The following DISC1 variants were observed in gnomAD, a reference collection of about 807,000 sequenced individuals.
DISC1 encodes the protein disrupted in schizophrenia 1 protein.
DISC1 carries 57 observed loss-of-function variants against 84.5 expected under a neutral mutation model. The ratio of observed to expected loss-of-function variants is 0.67; its 90% CI spans 0.55 to 0.84. The LOEUF (loss-of-function observed/expected upper bound fraction) is 0.84. DISC1 is among the 40% of genes least tolerant of loss of function. DISC1 has a pLI of 0.00. For missense variants in DISC1, 1,000 were observed against 1,057.8 expected (o/e 0.95, Z 0.76); for synonymous variants, 411 against 415.2 (o/e 0.99, Z 0.12).
chr1:231,826,358 CAT>C lies in DISC1; in HGVS notation c.1981+7843_1981+7844del, dbSNP rs199876056. 7.6e-3 allele frequency among the ~76,000 whole-genome samples: 1,150 copies of C among 152,302 alleles called. 13 individuals are homozygous for C. The highest frequency in any genetic ancestry group is 0.026 in the African/African-American group (1,083 of 41,558). ...CATCACCCTACCTAAATACCACACT[CAT>C]AGATTCATAATTACAAAACAAAAGT... On this transcript the variant is annotated intron_variant, in intron 9 of 12. Coordinates refer to ENST00000439617, the MANE Select transcript of DISC1 (RefSeq NM_018662.3). The surrounding 1 kb of genome is among the most constrained non-coding windows in gnomAD (Gnocchi z 4.2).
At chr1:231,971,846 A>T (rs563161544) in intron 10 of DISC1, among the ~76,000 whole-genome samples, 1 of 152,338 alleles carries the variant, frequency 6.6e-6, no homozygotes, top group South Asian at 2.1e-4. Context: ...AAAAGCAGGG[A>T]CTTTCAGTTG....
At position 232,026,472 on chromosome 1, in the gene DISC1, G is replaced by C; in HGVS notation, c.2345G>C (p.Cys782Ser). 6.2e-7 allele frequency: 1 copy of C among 1,608,144 alleles called. No individual in the cohort carries two copies. The highest frequency in any genetic ancestry group is 8.5e-7 in the Non-Finnish European group (1 of 1,177,142). Residue 782 changes from cysteine (C) to serine (S), a missense_variant, in exon 12 of 13, where the codon TGT becomes TCT. Physicochemically the swap from Cys to Ser is moderately radical, Grantham distance 112 (BLOSUM62 -1). Around this residue, in one of 3 missense-constraint regions of DISC1, gnomAD observed 397 missense variants for 377.5 expected, o/e 1.05. Transcript: ENST00000439617. ...YILSAELGEK[C>S]EDIGKKLLYL... ...CTTTCTGCAGAACTTGGAGAAAAGT[G>C]TGAAGACATAGGCAAGAAGCTATTG...
intron 10 of DISC1, among the ~76,000 whole-genome samples, chr1:231,999,400 C>T (rs2102955396): frequency 6.6e-6 from 1 of 152,280 alleles, no homozygotes; most frequent in South Asian, 2.1e-4. Context: ...TCCAACCAAG[C>T]AACCAAAGGC....
chr1:232,024,073 A>G (rs1168481604), intron 11 of DISC1, among the ~76,000 whole-genome samples: 2 of 151,230 alleles, frequency 1.3e-5, no homozygotes, highest in South Asian at 2.1e-4. Context: ...GTATATATAT[A>G]TATATTTATC....
chr1:231,817,880 T>A (rs1321225706), intron 8 of DISC1, among the ~76,000 whole-genome samples: 1 of 152,248 alleles, frequency 6.6e-6, no homozygotes, highest in Non-Finnish European at 1.5e-5. Context: ...ATTTTCTTGC[T>A]CCAGGTCACA....
intron 10 of DISC1, among the ~76,000 whole-genome samples, chr1:231,992,982 C>G (rs145238800): frequency 6.6e-6 from 1 of 152,198 alleles, no homozygotes; most frequent in East Asian, 1.9e-4. Context: ...GTAGACAAAA[C>G]CCAGAGATCA....
intron 3 of DISC1, among the ~76,000 whole-genome samples, chr1:231,717,738 C>T (rs1393673226): frequency 1.3e-5 from 2 of 152,178 alleles, no homozygotes; most frequent in Non-Finnish European, 2.9e-5. Flanking sequence ...ATGAACGCAT[C>T]AGACAATTCC....
At chr1:231,749,805 A>G (rs1236662407) in intron 3 of DISC1, 121 bp from the exon 4 acceptor site, 10 of 1,336,358 alleles carry the variant, frequency 7.5e-6, no homozygotes, top group Non-Finnish European at 9.6e-6. Flanking sequence ...AGAAACTAGT[A>G]ACCTTGTCAT....
chr1:231,810,690 G>A (rs1010840684), intron 8 of DISC1, among the ~76,000 whole-genome samples: 3 of 152,172 alleles, frequency 2.0e-5, no homozygotes, highest in South Asian at 2.1e-4. Context: ...GAAGCTGGAG[G>A]CGGCTCACTA....
intron 9 of DISC1, among the ~76,000 whole-genome samples, chr1:231,916,051 C>T (rs2089598764): frequency 6.6e-6 from 1 of 152,098 alleles, no homozygotes; most frequent in Non-Finnish European, 1.5e-5. Flanking sequence ...AGCTCTTTTC[C>T]ACGAAACAAT....
At chr1:231,793,356 A>G (rs1442486410) in intron 6 of DISC1, among the ~76,000 whole-genome samples, 3 of 152,192 alleles carry the variant, frequency 2.0e-5, no homozygotes, top group Non-Finnish European at 4.4e-5. Context: ...TTCTAGCAGC[A>G]GTAAGTGGTT....
intron 1 of DISC1, among the ~76,000 whole-genome samples, chr1:231,659,390 G>C (rs1246763268): frequency 6.6e-6 from 1 of 151,928 alleles, no homozygotes; most frequent in Non-Finnish European, 1.5e-5. Flanking sequence ...TGTTAGTCTA[G>C]CAAGTGATCT....
At chr1:231,730,108 T>G (rs1573324848) in intron 3 of DISC1, among the ~76,000 whole-genome samples, 1 of 152,350 alleles carries the variant, frequency 6.6e-6, no homozygotes, top group East Asian at 1.9e-4. Context: ...TAATTTTTTG[T>G]GAAAACACCA....
chr1:231,790,226 C>T (rs1181627578), intron 6 of DISC1, among the ~76,000 whole-genome samples: 1 of 152,150 alleles, frequency 6.6e-6, no homozygotes, highest in African/African-American at 2.4e-5. Flanking sequence ...TCGTGAAGCA[C>T]CAGTGTGCGG....
chr1:231,666,339 G>A (rs915269714), intron 1 of DISC1, among the ~76,000 whole-genome samples: 11 of 143,464 alleles, frequency 7.7e-5, no homozygotes, highest in African/African-American at 1.5e-4. Flanking sequence ...AGCACAGTAC[G>A]AATTAATCTC....
intron 3 of DISC1, among the ~76,000 whole-genome samples, chr1:231,705,542 A>C (rs2066985118): frequency 6.6e-6 from 1 of 151,936 alleles, no homozygotes; most frequent in African/African-American, 2.4e-5. Flanking sequence ...TTAGGCTTGA[A>C]AGGAGACTTG....
In DISC1 at chr1:231,958,864, A is replaced by C; in HGVS notation, c.2018A>C (p.Glu673Ala). 6.2e-7 allele frequency: 1 copy of C among 1,613,838 alleles called. No individual in the cohort carries two copies. The highest frequency in any genetic ancestry group is 8.5e-7 in the Non-Finnish European group (1 of 1,179,842). The change falls in exon 10 of 13, where the codon GAA (glutamate) becomes GCA (alanine). Residue 673 changes from glutamate to alanine, a missense_variant. Around this residue, in one of 3 missense-constraint regions of DISC1, gnomAD observed 397 missense variants for 377.5 expected, o/e 1.05. Coordinates refer to ENST00000439617, the MANE Select transcript of DISC1 (RefSeq NM_018662.3). ...SVKENTMKYM[E>A]TLKNKLCSCK... is the part of the protein sequence containing the mutation. ...AAGGAAAATACTATGAAGTACATGG[A>C]AACACTTAAGAATAAACTGTGCAGG... is the stretch of plus-strand genomic sequence containing the variant.
At chr1:232,020,100 G>A (rs973244572) in intron 11 of DISC1, among the ~76,000 whole-genome samples, 1 of 152,050 alleles carries the variant, frequency 6.6e-6, no homozygotes, top group Non-Finnish European at 1.5e-5. Context: ...CCAGCACTTT[G>A]GGGGGCCAAG....
chr1:231,644,948 C>T (rs1006171021), intron 1 of DISC1, among the ~76,000 whole-genome samples: 2 of 151,956 alleles, frequency 1.3e-5, no homozygotes, highest in African/African-American at 4.8e-5. Flanking sequence ...CTCTTTCCAT[C>T]CTCATCATGC....
Sources: allele counts gnomAD v4.1 joint callset (sites outside exome capture counted in the v4.1 genomes callset), GRCh38; gene constraint gnomAD v4.1.1; regional missense constraint gnomAD v4.1.1; non-coding constraint Gnocchi (gnomAD v3.1); transcripts MANE v1.5; gene names NCBI Gene and HGNC (gene_info 2026-07-23, HGNC 2026-07-21).